The following SYCP2 variants were observed in gnomAD, a reference collection of about 807,000 sequenced individuals.
SYCP2 encodes the protein synaptonemal complex protein 2.
In SYCP2, 55 loss-of-function variants were observed where a neutral mutation model predicts 211.3. The ratio of observed to expected loss-of-function variants is 0.26; its 90% CI spans 0.21 to 0.33. The LOEUF (loss-of-function observed/expected upper bound fraction) is 0.33, where lower values mean the gene tolerates loss of function less well. Among genes scored for constraint, SYCP2 ranks in the 10% least tolerant of loss-of-function variants. The pLI is 1.00. For synonymous variants in SYCP2, 570 were observed against 555.2 expected (o/e 1.03, Z -0.37); for missense variants, 1,731 against 1,752.0 (o/e 0.99, Z 0.21).
At chr20:59,930,644 T>C (rs1357262282) in intron 2 of SYCP2, among the ~76,000 whole-genome samples, 1 of 152,072 alleles carries the variant, frequency 6.6e-6, no homozygotes, top group East Asian at 1.9e-4. Flanking sequence ...GATCTAGACA[T>C]GAACTACGTG....
chr20:59,880,587 A>G (rs2059659342), intron 30 of SYCP2, 116 bp from the exon 31 acceptor site: 1 of 586,304 alleles, frequency 1.7e-6, no homozygotes, highest in Non-Finnish European at 2.8e-6. Context: ...AAACAGGAAA[A>G]CTAACTTGTC....
At chr20:59,891,787 C>T (rs1283437398) in intron 24 of SYCP2, among the ~76,000 whole-genome samples, 1 of 151,930 alleles carries the variant, frequency 6.6e-6, no homozygotes, top group East Asian at 1.9e-4. Context: ...CACATATTTA[C>T]ATGTCTGATA....
chr20:59,870,100 C>T, intron 35 of SYCP2, 117 bp from the exon 36 acceptor site: 1 of 610,634 alleles, frequency 1.6e-6, no homozygotes, highest in Non-Finnish European at 2.7e-6. Flanking sequence ...ACTACTAATT[C>T]ACTGCAAAAA....
At chr20:59,888,258 A>G (rs1392241776) in intron 24 of SYCP2, among the ~76,000 whole-genome samples, 1 of 152,100 alleles carries the variant, frequency 6.6e-6, no homozygotes, top group African/African-American at 2.4e-5. Context: ...AACATCAGCA[A>G]TATCAGCAAA....
intron 2 of SYCP2, among the ~76,000 whole-genome samples, chr20:59,926,497 C>T (rs917668542): frequency 6.6e-6 from 1 of 151,976 alleles, no homozygotes; most frequent in Non-Finnish European, 1.5e-5. Flanking sequence ...TATCTGTATC[C>T]AAATTTCCCC....
At chr20:59,902,173 A>G (rs1182557279) in intron 15 of SYCP2, among the ~76,000 whole-genome samples, 1 of 152,180 alleles carries the variant, frequency 6.6e-6, no homozygotes, top group African/African-American at 2.4e-5. Context: ...TTAATTCCAT[A>G]TAATTACCAT....
chr20:59,905,591 G>A (rs1600926619), intron 15 of SYCP2, among the ~76,000 whole-genome samples: 2 of 152,120 alleles, frequency 1.3e-5, no homozygotes, highest in Admixed American at 1.3e-4. Flanking sequence ...GTAATTGCCT[G>A]GGGGTAGAGT....
At chr20:59,900,435 C>A in intron 17 of SYCP2, 151 bp from the exon 18 acceptor site, 1 of 795,250 alleles carries the variant, frequency 1.3e-6, no homozygotes, top group South Asian at 2.2e-5. Flanking sequence ...ACAAAGTGAT[C>A]CAATAAAAAG....
chr20:59,894,698 T>TA (rs2059975110), intron 20 of SYCP2, among the ~76,000 whole-genome samples: 1 of 152,068 alleles, frequency 6.6e-6, no homozygotes. Flanking sequence ...CTGAACCCTG[T>TA]ACTTCAACAG....
chr20:59,918,902 A>T (rs1474588128), intron 7 of SYCP2, among the ~76,000 whole-genome samples: 1 of 152,124 alleles, frequency 6.6e-6, no homozygotes, highest in Non-Finnish European at 1.5e-5. Context: ...TTTCAATGGC[A>T]TCAATAAATT....
At chr20:59,929,319 A>G (rs2060691254) in intron 2 of SYCP2, among the ~76,000 whole-genome samples, 1 of 152,204 alleles carries the variant, frequency 6.6e-6, no homozygotes, top group African/African-American at 2.4e-5. Flanking sequence ...GAAGCAAATA[A>G]CTGCACTTTG....
intron 3 of SYCP2, among the ~76,000 whole-genome samples, chr20:59,921,716 T>C (rs766899201): frequency 1.3e-5 from 2 of 151,542 alleles, no homozygotes; most frequent in Non-Finnish European, 3.0e-5. Context: ...GTCATCTTTA[T>C]GTCAACCTCA....
chr20:59,912,130 G>A, intron 13 of SYCP2: 1 of 412,660 alleles, frequency 2.4e-6, no homozygotes, highest in Non-Finnish European at 4.3e-6. Context: ...AATCAATAAT[G>A]GTCTTAAGGA....
chr20:59,896,561 C>G (rs773820441), intron 18 of SYCP2, 33 bp from the exon 19 acceptor site: 19 of 1,151,804 alleles, frequency 1.6e-5, no homozygotes, highest in Non-Finnish European at 2.2e-5. Flanking sequence ...CCACTGTAAA[C>G]ACAGTCTTTT....
rs780053324 is a variant in SYCP2, at chr20:59,865,599, T to C, written c.4432A>G (p.Ser1478Gly). The change falls in exon 43 of 45, where the codon AGT becomes GGT. Residue 1478 changes from serine to glycine, a missense_variant. Around this residue, in one of 3 missense-constraint regions of SYCP2, gnomAD observed 1,387 missense variants for 1,351.3 expected, o/e 1.03. Coordinates refer to ENST00000357552, the MANE Select transcript of SYCP2 (RefSeq NM_014258.4). ...LAKSVFCNTDSEETVFTSEMC... is the reference protein window; with the variant it reads ...LAKSVFCNTDGEETVFTSEMC... Reference sequence around the variant, plus strand: ...TCGGATGTAAAAACAGTTTCTTCACTATCAGTATTACAGAAGACACTTTTA... The same window carrying C: ...TCGGATGTAAAAACAGTTTCTTCACCATCAGTATTACAGAAGACACTTTTA... 6.2e-6 allele frequency: 10 copies of C among 1,604,542 alleles called. No individual in the cohort carries two copies. The South Asian group carries it at 1.1e-4, about 18-fold the overall frequency.
intron 2 of SYCP2, among the ~76,000 whole-genome samples, chr20:59,930,261 A>C (rs1046653346): frequency 6.6e-6 from 1 of 150,740 alleles, no homozygotes; most frequent in Non-Finnish European, 1.5e-5. Flanking sequence ...ATTTTCCATA[A>C]TAATAAAAAA....
rs753462162 is a variant in SYCP2, at chr20:59,877,463, G to GT, written c.3071dup (p.Asn1024LysfsTer3). ...ATTCTGAATTTGAGAGATCTTTATAGTTTTTTTTTGTTTTGGTTGCTTTTC... is the reference window on the plus strand; with the variant it reads ...ATTCTGAATTTGAGAGATCTTTATAGTTTTTTTTTTGTTTTGGTTGCTTTTC... On this transcript the variant is annotated frameshift_variant, in exon 33 of 45. Coordinates refer to ENST00000357552, the MANE Select transcript of SYCP2 (RefSeq NM_014258.4). LOFTEE classifies it high-confidence loss of function. The GT allele has an allele frequency of 1.2e-4, 190 of 1,588,848 alleles. No individual in the cohort carries two copies. Among genetic ancestry groups the GT allele is most frequent in the Admixed American group, 7.9e-4 (45 of 57,224 alleles).
At chr20:59,928,351 A>G (rs2060672061) in intron 2 of SYCP2, among the ~76,000 whole-genome samples, 1 of 152,202 alleles carries the variant, frequency 6.6e-6, no homozygotes, top group African/African-American at 2.4e-5. Flanking sequence ...GTTCCTATTC[A>G]TTAATGGAAG....
At chr20:59,903,426 G>A (rs1430144156) in intron 15 of SYCP2, among the ~76,000 whole-genome samples, 4 of 152,058 alleles carry the variant, frequency 2.6e-5, no homozygotes. Context: ...GAAGACATAG[G>A]ATAAAAGTAG....
Sources: gnomAD v4.1 joint callset for allele counts (sites outside exome capture counted in the v4.1 genomes callset) on GRCh38, gnomAD v4.1.1 for gene constraint, gnomAD v4.1.1 regional missense constraint, MANE v1.5 for transcripts, NCBI Gene and HGNC (gene_info 2026-07-23, HGNC 2026-07-21) for gene names.